The following COL16A1 variants were observed in gnomAD, a reference collection of about 807,000 sequenced individuals.
COL16A1 encodes the protein collagen alpha-1(XVI) chain.
A neutral mutation model predicts 266.3 loss-of-function variants in COL16A1; 189 were observed. The ratio of observed to expected loss-of-function variants is 0.71; its 90% CI spans 0.63 to 0.80. The LOEUF (loss-of-function observed/expected upper bound fraction) is 0.80. Ranked by LOEUF, COL16A1 falls within the 30% of genes least tolerant of loss-of-function variation. The pLI is 0.00. For missense variants in COL16A1, 1,928 were observed against 2,122.4 expected (o/e 0.91, Z 1.80); for synonymous variants, 740 against 782.3 (o/e 0.95, Z 0.90).
intron 2 of COL16A1, chr1:31,701,260 T>C (rs1031967616): frequency 2.1e-6 from 2 of 967,692 alleles, no homozygotes; most frequent in African/African-American, 3.5e-5. Context: ...CCAGATTCCT[T>C]ACAGATGTTG....
chr1:31,697,776 T>G lies in COL16A1; in HGVS notation c.657+130A>C. The G allele has an allele frequency of 8.7e-7, 1 of 1,145,676 alleles. No homozygotes were observed. The highest frequency in any genetic ancestry group is 1.2e-6 in the Non-Finnish European group (1 of 811,422). The allele number at this position is 1,145,676 out of a possible 1,614,324, so 71.0% of individuals were successfully genotyped here. A position where few individuals can be genotyped will look rare whatever the true frequency, so the allele number is the denominator to read the frequency against. On this transcript the variant is annotated intron_variant, in intron 6 of 70. Transcript: ENST00000373672. This position sits in a 1 kb window ranked among gnomAD's most constrained non-coding sequence, Gnocchi z 4.2. ...GCCAGGTGAATATGTTTAGGCTGCA[T>G]TTGGAGGGCAACAGGAAAGCAGGGG...
chr1:31,668,715 A>G lies in COL16A1; in HGVS notation c.3249+87T>C. 6.9e-7 allele frequency: 1 copy of G among 1,459,040 alleles called. No individual in the cohort carries two copies. Among genetic ancestry groups the G allele is most frequent in the Non-Finnish European group, 9.6e-7 (1 of 1,040,778 alleles). The allele number at this position is 1,459,040 out of a possible 1,614,324, so 90.4% of individuals were successfully genotyped here. A position where few individuals can be genotyped will look rare whatever the true frequency, so the allele number is the denominator to read the frequency against. ...GGAGTCCACCTCCCAGCTTCCACTC[A>G]GCAGCCACCCTTCAGAGCTCAAGCT... On this transcript the variant is annotated intron_variant, in intron 50 of 70. Coordinates refer to ENST00000373672, the MANE Select transcript of COL16A1 (RefSeq NM_001856.4). The surrounding 1 kb of genome is among the most constrained non-coding windows in gnomAD (Gnocchi z 5.8).
chr1:31,701,123 T>TCCTGGGGC (rs1048381439), intron 2 of COL16A1, among the ~76,000 whole-genome samples: 3 of 152,114 alleles, frequency 2.0e-5, no homozygotes, highest in Non-Finnish European at 4.4e-5. Flanking sequence ...GAAGAAGGAA[T>TCCTGGGGC]CCTGGGGCCC....
rs1643870697 is a variant in COL16A1 at position 31,684,368 on chromosome 1, C to G, written c.2161-137G>C. 4 of 1,462,912 alleles carry G rather than the reference C, an allele frequency of 2.7e-6. No homozygotes were observed. The Admixed American group carries it at 1.1e-4, about 39-fold the overall frequency. The allele number at this position is 1,462,912 out of a possible 1,614,324, so 90.6% of individuals were successfully genotyped here. Reference sequence around the variant, plus strand: ...GGGAAATCAAAACAGGCCCCTGACACTCCTAGCAGAGGAGAAGCCCCGAGG... The same window carrying G: ...GGGAAATCAAAACAGGCCCCTGACAGTCCTAGCAGAGGAGAAGCCCCGAGG... On this transcript the variant is annotated intron_variant, in intron 31 of 70. Transcript: ENST00000373672.
At chr1:31,671,223 G>A (rs977715726) in intron 48 of COL16A1, among the ~76,000 whole-genome samples, 1 of 152,242 alleles carries the variant, frequency 6.6e-6, no homozygotes, top group African/African-American at 2.4e-5. Flanking sequence ...GTGGGGACTG[G>A]AGTCACAGGG....
chr1:31,683,578 C>G, intron 34 of COL16A1, 129 bp downstream of exon 34: 1 of 1,585,996 alleles, frequency 6.3e-7, no homozygotes, highest in South Asian at 1.1e-5. Flanking sequence ...CGGCCTGATC[C>G]CTGGTCCCAG....
chr1:31,675,382 C>A, intron 42 of COL16A1, 71 bp from the exon 43 acceptor site: 1 of 1,570,236 alleles, frequency 6.4e-7, no homozygotes, highest in South Asian at 1.2e-5. Flanking sequence ...GTTTCCTTCT[C>A]ATCATCCCCG....
chr1:31,661,567 G>A lies in COL16A1; in HGVS notation c.3726+93C>T, dbSNP rs750166599. 3.7e-5 allele frequency: 59 copies of A among 1,610,738 alleles called. 1 individual carries two copies. Among genetic ancestry groups the A allele is most frequent in the Middle Eastern group, 1.6e-4 (1 of 6,078 alleles). On this transcript the variant is annotated intron_variant, in intron 59 of 70. Transcript: ENST00000373672. ...TCAAACCAATCCAAAGTCATAACAC[G>A]GTCCACGGAGGATCTGGATTTGAGC... is the stretch of plus-strand genomic sequence containing the variant.
Position 31,683,717 on chromosome 1 carries a change from T to C in COL16A1, c.2369A>G (p.Gln790Arg). 6.2e-7 allele frequency: 1 copy of C among 1,614,144 alleles called. No homozygotes were observed. The highest frequency in any genetic ancestry group is 1.3e-5 in the African/African-American group (1 of 75,030). The change falls in exon 34 of 71, where the codon CAG becomes CGG. Residue 790 changes from glutamine to arginine, a missense_variant. Gln to Arg is a conservative substitution (Grantham distance 43, BLOSUM62 1). This residue lies in a region of COL16A1 where 1,552 missense variants were observed against 1,637.2 expected (regional missense o/e 0.95). Transcript: ENST00000373672. ...GGGCTAGAGACTCACCTGGGGTCCC[T>C]GGACTCCCCTTCCTGGAGGCCCTGG... ...GEPGPPGRGV[Q>R]GPQGEPGAPG...
intron 42 of COL16A1, chr1:31,679,196 C>T (rs1054358003): frequency 2.9e-5 from 15 of 511,924 alleles, no homozygotes; most frequent in Middle Eastern, 1.0e-3. Context: ...GTCTGTCTCT[C>T]TTACTAGAAT....
intron 52 of COL16A1, among the ~76,000 whole-genome samples, chr1:31,667,202 C>G (rs1642213256): frequency 6.6e-6 from 1 of 152,248 alleles, no homozygotes; most frequent in Non-Finnish European, 1.5e-5. Context: ...CTTTGTCACT[C>G]TGGGGGCCCC....
chr1:31,680,183 C>G (rs1282778621), intron 39 of COL16A1, 82 bp from the exon 40 acceptor site: 2 of 1,545,418 alleles, frequency 1.3e-6, no homozygotes, highest in Admixed American at 2.0e-5. Flanking sequence ...CACGTGGGCT[C>G]TAGAGATGGA....
Position 31,684,526 on chromosome 1 carries a change from T to A in COL16A1, c.2157A>T (p.Glu719Asp). ...CCAACCACCCCGCCTGACTAACCTT[T>A]TCTCCTTTTGGCCCCGCGGGGCCCT... ...GVQGPAGPKGEKGDGCTACPS... is the reference protein window; with the variant it reads ...GVQGPAGPKGDKGDGCTACPS... Residue 719 changes from glutamate (E) to aspartate (D), a missense_variant, in exon 31 of 71, where the codon GAA (glutamate) becomes GAT (aspartate). Physicochemically the swap from Glu to Asp is conservative, Grantham distance 45. Around this residue, in one of 2 missense-constraint regions of COL16A1, gnomAD observed 1,552 missense variants for 1,637.2 expected, o/e 0.95. Transcript: ENST00000373672. The A allele has an allele frequency of 6.2e-7, 1 of 1,611,714 alleles. No individual in the cohort carries two copies. The highest frequency in any genetic ancestry group is 8.5e-7 in the Non-Finnish European group (1 of 1,178,976).
At chr1:31,690,670 C>CA in intron 20 of COL16A1, 97 bp from the exon 21 acceptor site, 1 of 1,512,974 alleles carries the variant, frequency 6.6e-7, no homozygotes, top group South Asian at 1.2e-5. Context: ...GATGGCAGAA[C>CA]AATCGTTGCC....
intron 37 of COL16A1, 128 bp from the exon 38 acceptor site, chr1:31,681,195 C>T: frequency 1.5e-6 from 2 of 1,324,808 alleles, no homozygotes; most frequent in Non-Finnish European, 2.0e-6. Flanking sequence ...GGGCCGAGGG[C>T]CCACGTTCCA....
In COL16A1 at chr1:31,653,866, C is replaced by T; in HGVS notation, c.4534+1G>A. Reference sequence around the variant, plus strand: ...CCTTGGGAACTGTAGGGCAGAGCTACCTCTTACTCCTGGCAAGCCCTGCCG... The same window carrying T: ...CCTTGGGAACTGTAGGGCAGAGCTATCTCTTACTCCTGGCAAGCCCTGCCG... On this transcript the variant is annotated splice_donor_variant, in intron 69 of 70. Coordinates refer to ENST00000373672, the MANE Select transcript of COL16A1 (RefSeq NM_001856.4). LOFTEE classifies it high-confidence loss of function. 2 of 1,609,172 alleles carry T rather than the reference C, an allele frequency of 1.2e-6. No homozygotes were observed. The highest frequency in any genetic ancestry group is 1.7e-6 in the Non-Finnish European group (2 of 1,176,936).
rs370744143 is a variant in COL16A1 at position 31,697,277 on chromosome 1, G to A, written c.681C>T (p.Ile227=). ...CCAGCACGAGCTCCGGGTCACAGTA[G>A]ATGTGCACCTGCTGAAGGTCAAACT... ...PVSFDLQQVH[I]YCDPELVLEE... Residue 227 remains isoleucine (I), a synonymous_variant, in exon 7 of 71, where the codon ATC becomes ATT. Coordinates refer to ENST00000373672, the MANE Select transcript of COL16A1 (RefSeq NM_001856.4). This position sits in a 1 kb window ranked among gnomAD's most constrained non-coding sequence, Gnocchi z 4.2. 1.2e-6 allele frequency: 2 copies of A among 1,611,366 alleles called. No individual in the cohort carries two copies. The highest frequency in any genetic ancestry group is 2.2e-5 in the South Asian group (2 of 90,612).
chr1:31,689,009 G>T, intron 24 of COL16A1, 38 bp from the exon 25 acceptor site: 1 of 1,614,030 alleles, frequency 6.2e-7, no homozygotes, highest in Non-Finnish European at 8.5e-7. Flanking sequence ...ATGCTTCCAG[G>T]TAGGCAGAGG....
At chr1:31,680,647 G>T (rs1314322353) in intron 39 of COL16A1, among the ~76,000 whole-genome samples, 1 of 152,192 alleles carries the variant, frequency 6.6e-6, no homozygotes, top group Middle Eastern at 3.2e-3. Context: ...AATCCTGGTT[G>T]AGTCCCAGGC....
Sources: gnomAD v4.1 joint callset for allele counts (sites outside exome capture counted in the v4.1 genomes callset) on GRCh38, gnomAD v4.1.1 for gene constraint, gnomAD v4.1.1 regional missense constraint, Gnocchi (gnomAD v3.1) non-coding constraint, MANE v1.5 for transcripts, NCBI Gene and HGNC (gene_info 2026-07-23, HGNC 2026-07-21) for gene names.